The following RIC3 variants were observed in gnomAD, a reference collection of about 807,000 sequenced individuals.
RIC3 encodes protein RIC-3.
RIC3 carries 28 observed loss-of-function variants against 27.3 expected under a neutral mutation model. The observed-to-expected ratio is 1.02, with a 90% CI of 0.76 to 1.41. RIC3 has a LOEUF of 1.41. Ranked by LOEUF, RIC3 falls within the 40% of genes most tolerant of loss-of-function variation. The probability of loss-of-function intolerance (pLI) is 0.00; values close to 1 mark genes in which losing one functional copy is unlikely to be tolerated. For synonymous variants in RIC3, 184 were observed against 160.4 expected, an observed-to-expected ratio of 1.15 and a Z score of -1.11; for missense variants, 501 against 444.7, an observed-to-expected ratio of 1.13 and a Z score of -1.14.
chr11:8,121,603 C>A (rs191413810), intron 5 of RIC3, among the ~76,000 whole-genome samples: 2 of 152,078 alleles, frequency 1.3e-5, no homozygotes, highest in African/African-American at 4.8e-5. Flanking sequence ...GTAGTCCCAG[C>A]TATTTGGGAG....
chr11:8,143,733 C>G (rs1355550198), intron 1 of RIC3, among the ~76,000 whole-genome samples: 2 of 152,192 alleles, frequency 1.3e-5, no homozygotes, highest in East Asian at 3.9e-4. Flanking sequence ...CAATCCTAAG[C>G]CAAAAGAACA....
chr11:8,093,504 A>G, the RIC3 span, among the ~76,000 whole-genome samples: 1 of 152,048 alleles, frequency 6.6e-6, no homozygotes, highest in Non-Finnish European at 1.5e-5. Flanking sequence ...ACCAGCTGGG[A>G]CCCTTCTGAG....
chr11:8,101,019 C>T, the RIC3 span: 1 of 1,613,526 alleles, frequency 6.2e-7, no homozygotes, highest in African/African-American at 1.3e-5. Flanking sequence ...TGTCCCTACT[C>T]ATTATGGTCC....
chr11:8,149,187 T>C (rs1240473275), intron 1 of RIC3, among the ~76,000 whole-genome samples: 3 of 150,992 alleles, frequency 2.0e-5, no homozygotes, highest in East Asian at 3.9e-4. Flanking sequence ...AGCGAGACTC[T>C]TGTCTCAAAA....
chr11:8,113,331 A>C (rs369328790), intron 5 of RIC3, among the ~76,000 whole-genome samples: 1 of 152,214 alleles, frequency 6.6e-6, no homozygotes, highest in Admixed American at 6.5e-5. Flanking sequence ...TCAGGCTCTC[A>C]GCCTACCCCA....
chr11:8,102,882 G>T (rs1944364737), downstream of RIC3: 1 of 145,660 alleles, frequency 6.9e-6, no homozygotes, highest in Admixed American at 7.0e-5. Flanking sequence ...TGTTCCCACT[G>T]TCCCCCAAGA....
At chr11:8,140,560 T>C (rs1455830876) in intron 1 of RIC3, among the ~76,000 whole-genome samples, 1 of 152,214 alleles carries the variant, frequency 6.6e-6, no homozygotes, top group African/African-American at 2.4e-5. Context: ...TCATTTCTTT[T>C]CTGCAGCATG....
Position 8,138,312 on chromosome 11 carries a change from T to C in RIC3, c.387A>G (p.Lys129=), listed in dbSNP as rs147059653. 129 of 1,613,658 alleles carry C rather than the reference T, an allele frequency of 8.0e-5. No individual in the cohort carries two copies. The African/African-American group carries it at 1.5e-3, about 19-fold the overall frequency. The part of the protein sequence containing the change: ...SKGKTTAEDG[K]CYTAMPGNTH... ...TGTTTCCAGGCATGGCAGTATAGCA[T>C]TTCCCATCCTCTGCAGTTGTTTTCC... The change falls in exon 3 of 6, where the codon AAA becomes AAG. Residue 129 remains lysine (K), a synonymous_variant. Coordinates refer to ENST00000309737, the MANE Select transcript of RIC3 (RefSeq NM_001206671.4).
chr11:8,151,553 T>C (rs1477156568), intron 1 of RIC3, among the ~76,000 whole-genome samples: 8 of 121,736 alleles, frequency 6.6e-5, no homozygotes. Flanking sequence ...GCCACTGCAC[T>C]CCAGCCTGGG....
At chr11:8,153,363 T>C (rs565527475) in intron 1 of RIC3, 16 of 440,810 alleles carry the variant, frequency 3.6e-5, no homozygotes, top group Admixed American at 1.1e-4. Context: ...TACAATGACA[T>C]GGTAACTCTA....
the RIC3 span, among the ~76,000 whole-genome samples, chr11:8,098,580 G>A: frequency 6.6e-6 from 1 of 152,194 alleles, no homozygotes; most frequent in Non-Finnish European, 1.5e-5. Flanking sequence ...GCAAGTCCAG[G>A]CCTTCTGCCC....
downstream of RIC3, chr11:8,103,759 C>T (rs1430434093): frequency 1.3e-5 from 2 of 152,618 alleles, no homozygotes; most frequent in African/African-American, 2.4e-5. Flanking sequence ...GAAACTAGAT[C>T]GTCTCTAATG....
chr11:8,122,349 TG>T lies in RIC3; in HGVS notation c.670+4309del. ...ATGGAATCATATAGTATGTAACCTT[TG>T]GGAATTAGTTTTTTCCCCCTACTCA... On this transcript the variant is annotated intron_variant, in intron 5 of 5. Transcript: ENST00000309737. 2.0e-5 allele frequency among the ~76,000 whole-genome samples: 3 copies of T among 152,274 alleles called. No homozygotes were observed. In the East Asian group the frequency reaches 5.8e-4, roughly 29 times the overall value.
intron 1 of RIC3, among the ~76,000 whole-genome samples, chr11:8,144,989 A>T (rs1227381598): frequency 1.7e-5 from 2 of 118,542 alleles, no homozygotes; most frequent in Admixed American, 1.1e-4. Flanking sequence ...ATGAGATCAC[A>T]TGGACACAGG....
At chr11:8,095,718 A>C in the RIC3 span, 1,261 of 1,520,560 alleles carry the variant, frequency 8.3e-4, no homozygotes, top group Non-Finnish European at 1.0e-3. Flanking sequence ...CCAGGTTCTC[A>C]GATGCACCTT....
At chr11:8,127,540 G>A (rs925967026) in intron 4 of RIC3, among the ~76,000 whole-genome samples, 3 of 152,180 alleles carry the variant, frequency 2.0e-5, no homozygotes, top group Non-Finnish European at 2.9e-5. Flanking sequence ...TTACTTGTGT[G>A]GTTCTGGCAA....
chr11:8,112,485 G>A (rs1371075825), intron 5 of RIC3, among the ~76,000 whole-genome samples: 1 of 151,958 alleles, frequency 6.6e-6, no homozygotes, highest in African/African-American at 2.4e-5. Context: ...AGCAGAGACG[G>A]GGTTTCACTA....
Position 8,135,020 on chromosome 11 carries a change from G to C in RIC3, c.521+2358C>G, listed in dbSNP as rs559876877. On this transcript the variant is annotated intron_variant, in intron 4 of 5. Coordinates refer to ENST00000309737, the MANE Select transcript of RIC3 (RefSeq NM_001206671.4). ...AATTAGATCCCATTTGTCAATTTTG[G>C]TTTTGTTGCCATTGCTTTTGGTGTC... Among the ~76,000 whole-genome samples the C allele has an allele frequency of 1.4e-4, 22 of 152,160 alleles. No homozygotes were observed. The South Asian group carries it at 4.4e-3, about 30-fold the overall frequency.
chr11:8,146,702 G>C (rs1949714424), intron 1 of RIC3, among the ~76,000 whole-genome samples: 1 of 146,698 alleles, frequency 6.8e-6, no homozygotes, highest in South Asian at 2.4e-4. Flanking sequence ...GTTTGGTCCA[G>C]AAAGGCAGGA....
Sources: gnomAD v4.1 joint callset for allele counts (sites outside exome capture counted in the v4.1 genomes callset) on GRCh38, gnomAD v4.1.1 for gene constraint, MANE v1.5 for transcripts, NCBI Gene and HGNC (gene_info 2026-07-23, HGNC 2026-07-21) for gene names.